Variants in ERMP1 observed in about 807,000 individuals in gnomAD.
ERMP1 encodes the protein Felix-ina.
Under a neutral mutation model 92.0 loss-of-function variants are expected in ERMP1, and 86 were observed. The observed-to-expected ratio is 0.93, with a 90% CI of 0.79 to 1.12. ERMP1 has a LOEUF of 1.12. Among genes scored for constraint, ERMP1 ranks in the 50% most tolerant of loss-of-function variants. The pLI is 0.00. For missense variants in ERMP1, 1,342 were observed against 1,116.3 expected, an observed-to-expected ratio of 1.20 and a Z score of -2.88; for synonymous variants, 530 against 412.8, an observed-to-expected ratio of 1.28 and a Z score of -3.44.
chr9:5,817,084 G>C (rs1227335500), intron 4 of ERMP1, among the ~76,000 whole-genome samples: 1 of 151,430 alleles, frequency 6.6e-6, no homozygotes, highest in African/African-American at 2.4e-5. Context: ...ATTTTTAGTA[G>C]AGATGGGGTT....
rs1830028519 is a variant in ERMP1 at position 5,833,111 on chromosome 9, G to A, written c.-84C>T. ...CCGACGCCGCCGTCGCTGCCGCAGC[G>A]CCTCCTAGTGAGCGGACGGAAACTG... is the stretch of plus-strand genomic sequence containing the variant. On this transcript the variant is annotated 5_prime_UTR_variant, in exon 1 of 15. Coordinates refer to ENST00000339450, the MANE Select transcript of ERMP1 (RefSeq NM_024896.3). The A allele has an allele frequency of 8.4e-7, 1 of 1,191,292 alleles. No individual in the cohort carries two copies. The highest frequency in any genetic ancestry group is 1.6e-5 in the African/African-American group (1 of 62,522). 73.8% of individuals were successfully genotyped at this position (1,191,292 alleles called of 1,614,324 possible).
At chr9:5,839,328 C>T (rs912228425) in intron 6 of ERMP1, among the ~76,000 whole-genome samples, 6 of 152,180 alleles carry the variant, frequency 3.9e-5, no homozygotes, top group Admixed American at 3.9e-4. Context: ...TTACTTTTCC[C>T]TCCTTCATAG....
intron 3 of ERMP1, 119 bp from the exon 4 acceptor site, chr9:5,824,120 C>T (rs1260200093): frequency 1.4e-5 from 10 of 725,828 alleles, no homozygotes; most frequent in Middle Eastern, 2.5e-4. Context: ...ACAAAATAAT[C>T]GCTCTTCAAA....
Position 5,799,011 on chromosome 9 carries a change from GA to G in ERMP1, c.2068-4del, listed in dbSNP as rs761487490. The stretch of plus-strand genomic sequence containing the variant: ...TCATGGAATGTTCTAGTCATATGCT[GA>G]AAAAAAAAGACTAGTGAAAAAACTG... On this transcript the variant is annotated splice_region_variant and splice_polypyrimidine_tract_variant and intron_variant, in intron 11 of 14. Coordinates refer to ENST00000339450, the MANE Select transcript of ERMP1 (RefSeq NM_024896.3). The G allele has an allele frequency of 5.9e-5, 93 of 1,575,028 alleles. No individual in the cohort carries two copies. Among genetic ancestry groups the G allele is most frequent in the Non-Finnish European group, 7.1e-5 (82 of 1,157,250 alleles).
chr9:5,803,398 T>C (rs1019703518), intron 10 of ERMP1, among the ~76,000 whole-genome samples: 7 of 152,232 alleles, frequency 4.6e-5, no homozygotes, highest in Non-Finnish European at 8.8e-5. Context: ...TAAGACACTT[T>C]AATCCTCTTT....
intron 4 of ERMP1, among the ~76,000 whole-genome samples, chr9:5,815,997 A>T (rs1439681335): frequency 6.6e-6 from 1 of 152,146 alleles, no homozygotes; most frequent in Non-Finnish European, 1.5e-5. Flanking sequence ...ATACTGAAAA[A>T]CAGGTAAAGC....
intron 4 of ERMP1, among the ~76,000 whole-genome samples, chr9:5,823,136 A>G (rs1352220344): frequency 6.6e-6 from 1 of 152,122 alleles, no homozygotes; most frequent in Non-Finnish European, 1.5e-5. Context: ...AAATTTTTAA[A>G]TAGCCAGGCG....
chr9:5,844,337 C>T (rs989879536), intron 6 of ERMP1, among the ~76,000 whole-genome samples: 4 of 152,104 alleles, frequency 2.6e-5, no homozygotes, highest in Non-Finnish European at 2.9e-5. Flanking sequence ...TGCAGTGATG[C>T]GATTTCAGTT....
At chr9:5,807,659 C>T (rs1828918997) in intron 8 of ERMP1, among the ~76,000 whole-genome samples, 1 of 152,076 alleles carries the variant, frequency 6.6e-6, no homozygotes, top group East Asian at 1.9e-4. Flanking sequence ...GGCACAAGAA[C>T]AGCTAGAACC....
rs1292008210 is a variant in ERMP1 at position 5,798,843 on chromosome 9, C to A, written c.2233G>T (p.Gly745Cys). Residue 745 changes from glycine (G) to cysteine (C), a missense_variant, in exon 12 of 15, where the codon GGT becomes TGT. Transcript: ENST00000339450. ...AHCEENAPLC[G>C]FPWYLPVHFL... ...TGCACTGGAAGATACCAAGGAAAAC[C>A]ACAAAGAGGTGCATTCTCCTCACAG... is the stretch of plus-strand genomic sequence containing the variant. The A allele has an allele frequency of 3.7e-6, 6 of 1,613,680 alleles. No individual in the cohort carries two copies. The highest frequency in any genetic ancestry group is 1.3e-5 in the African/African-American group (1 of 74,938).
upstream of ERMP1, among the ~76,000 whole-genome samples, chr9:5,836,219 T>A (rs1830094465): frequency 6.6e-6 from 1 of 152,232 alleles, no homozygotes; most frequent in Non-Finnish European, 1.5e-5. Flanking sequence ...CCAGTTTCTG[T>A]CTTCCCCACA....
chr9:5,866,613 A>G (rs74514806), intron 5 of ERMP1, among the ~76,000 whole-genome samples: 20 of 152,364 alleles, frequency 1.3e-4, no homozygotes, highest in African/African-American at 3.8e-4. Context: ...ATTTCATAGA[A>G]CTGGAGGCAT....
chr9:5,863,732 C>T (rs556010739), intron 5 of ERMP1, among the ~76,000 whole-genome samples: 6 of 152,330 alleles, frequency 3.9e-5, no homozygotes, highest in African/African-American at 1.4e-4. Flanking sequence ...TTTCCTATTA[C>T]AGAAGCTACA....
At chr9:5,817,987 G>T (rs1009467916) in intron 4 of ERMP1, among the ~76,000 whole-genome samples, 4 of 152,156 alleles carry the variant, frequency 2.6e-5, no homozygotes, top group African/African-American at 9.7e-5. Flanking sequence ...GTGGTGAAGT[G>T]GGGAGGCTAA....
chr9:5,838,353 G>T (rs1830117962), intron 6 of ERMP1, among the ~76,000 whole-genome samples: 1 of 151,838 alleles, frequency 6.6e-6, no homozygotes, highest in African/African-American at 2.4e-5. Flanking sequence ...ACCAGCCTGG[G>T]CAACATAGCA....
At chr9:5,818,038 C>T (rs1317608091) in intron 4 of ERMP1, among the ~76,000 whole-genome samples, 3 of 151,748 alleles carry the variant, frequency 2.0e-5, no homozygotes, top group Non-Finnish European at 4.4e-5. Context: ...CATGGTGGAT[C>T]TATCGATTTT....
At chr9:5,836,118 C>A (rs539319616), upstream of ERMP1, among the ~76,000 whole-genome samples, 35 of 152,336 alleles carry the variant, frequency 2.3e-4, 1 homozygote, top group Admixed American at 1.0e-3. Context: ...TGTCCCATGT[C>A]CCTTCTGTCT....
chr9:5,807,972 T>C (rs189787773), intron 8 of ERMP1, among the ~76,000 whole-genome samples: 11 of 152,306 alleles, frequency 7.2e-5, no homozygotes, highest in Admixed American at 3.3e-4. Flanking sequence ...GGCTCTCTTA[T>C]GGCATCATTC....
chr9:5,786,224 CAAAGA>C lies in ERMP1; in HGVS notation c.*915_*919del, dbSNP rs1348757142. ...TGTATAACACAAGACTCCTATGAAA[CAAAGA>C]AAAGAGAATAAATATTTATAAAATT... On this transcript the variant is annotated 3_prime_UTR_variant, in exon 15 of 15. Transcript: ENST00000339450. 6.6e-6 allele frequency: 1 copy of C among 152,168 alleles called. No homozygotes were observed. The highest frequency in any genetic ancestry group is 1.5e-5 in the Non-Finnish European group (1 of 68,036). The allele number at this position is 152,168 out of a possible 1,614,324, so 9.4% of individuals were successfully genotyped here.
Sources: gnomAD v4.1 joint callset for allele counts (sites outside exome capture counted in the v4.1 genomes callset) on GRCh38, gnomAD v4.1.1 for gene constraint, MANE v1.5 for transcripts, NCBI Gene and HGNC (gene_info 2026-07-23, HGNC 2026-07-21) for gene names.